Variants in SUMF1 observed in about 807,000 individuals in gnomAD.
SUMF1 encodes formylglycine-generating enzyme.
Under a neutral mutation model 47.6 loss-of-function variants are expected in SUMF1, and 48 were observed. That is an observed-to-expected ratio of 1.01 (90% CI 0.80 to 1.28). The LOEUF is 1.28. Ranked by LOEUF, SUMF1 falls within the 50% of genes most tolerant of loss-of-function variation. The pLI, the probability that SUMF1 is intolerant of heterozygous loss-of-function variation, is 0.00. For missense variants in SUMF1, 571 were observed against 485.4 expected, an observed-to-expected ratio of 1.18 and a Z score of -1.66; for synonymous variants, 230 against 192.1, an observed-to-expected ratio of 1.20 and a Z score of -1.63.
At chr3:4,433,377 G>A (rs539662302) in intron 3 of SUMF1, among the ~76,000 whole-genome samples, 1 of 152,294 alleles carries the variant, frequency 6.6e-6, no homozygotes, top group South Asian at 2.1e-4. Context: ...AATATTGTGT[G>A]CCCTGTTATC....
intron 8 of SUMF1, among the ~76,000 whole-genome samples, chr3:4,170,402 TAAC>T (rs996141782): frequency 2.0e-5 from 3 of 152,210 alleles, no homozygotes; most frequent in African/African-American, 7.2e-5. Context: ...TTTGTATTTC[TAAC>T]AAGTTCCAAT....
chr3:4,296,677 C>T (rs1483334378), intron 8 of SUMF1, among the ~76,000 whole-genome samples: 2 of 152,134 alleles, frequency 1.3e-5, no homozygotes, highest in Non-Finnish European at 2.9e-5. Context: ...ACGACACGTG[C>T]GGATTACAGG....
At chr3:4,085,019 G>T (rs1478653503) in intron 8 of SUMF1, among the ~76,000 whole-genome samples, 1 of 152,022 alleles carries the variant, frequency 6.6e-6, no homozygotes, top group African/African-American at 2.4e-5. Flanking sequence ...AATAGATGAT[G>T]TCTATCTACT....
chr3:4,098,860 CA>C (rs1260653012), intron 8 of SUMF1, among the ~76,000 whole-genome samples: 1 of 152,086 alleles, frequency 6.6e-6, no homozygotes, highest in Non-Finnish European at 1.5e-5. Flanking sequence ...GAGGAAGCCA[CA>C]AAGGAATTTC....
At chr3:4,074,779 A>G (rs976501573) in intron 8 of SUMF1, among the ~76,000 whole-genome samples, 1 of 152,228 alleles carries the variant, frequency 6.6e-6, no homozygotes, top group Admixed American at 6.5e-5. Context: ...CCCACCCAAG[A>G]CTAAACCAGG....
chr3:4,123,885 T>A (rs534384141), intron 8 of SUMF1, among the ~76,000 whole-genome samples: 1 of 152,270 alleles, frequency 6.6e-6, no homozygotes, highest in East Asian at 1.9e-4. Flanking sequence ...GTCACAGACA[T>A]TGATCAGACA....
At chr3:4,255,561 C>G (rs1696930870) in intron 8 of SUMF1, among the ~76,000 whole-genome samples, 1 of 81,444 alleles carries the variant, frequency 1.2e-5, no homozygotes, top group Non-Finnish European at 2.5e-5. Flanking sequence ...ACAAGAAGAG[C>G]TAACTATCCT....
In SUMF1 at chr3:4,275,742, AAGTT is replaced by A. The variant is rs1489999461; in HGVS notation, c.1014+100584_1014+100587del. On this transcript the variant is annotated intron_variant and NMD_transcript_variant, in intron 8 of 12. Coordinates refer to the SUMF1 transcript ENST00000448413. The stretch of plus-strand genomic sequence containing the variant: ...CTCTCGGGAAGAAGACAAAAGCAAA[AAGTT>A]AGTTGAGTAGGTAACCTACAATGTT... 3.3e-5 allele frequency among the ~76,000 whole-genome samples: 5 copies of A among 152,166 alleles called. No individual in the cohort carries two copies. In the South Asian group the frequency reaches 8.3e-4, roughly 25 times the overall value.
At chr3:4,431,730 C>T (rs1455468419) in intron 3 of SUMF1, among the ~76,000 whole-genome samples, 2 of 152,136 alleles carry the variant, frequency 1.3e-5, no homozygotes, top group Non-Finnish European at 2.9e-5. Flanking sequence ...CCAAGCTAGC[C>T]CTGAAGTCAC....
At chr3:4,224,325 C>A (rs1160904973) in intron 8 of SUMF1, among the ~76,000 whole-genome samples, 1 of 152,102 alleles carries the variant, frequency 6.6e-6, no homozygotes, top group East Asian at 1.9e-4. Context: ...CTGGGATGCT[C>A]CGTGACAAGG....
At chr3:4,064,203 A>T (rs950065134) in intron 9 of SUMF1, among the ~76,000 whole-genome samples, 1 of 142,562 alleles carries the variant, frequency 7.0e-6, no homozygotes, top group Non-Finnish European at 1.6e-5. Flanking sequence ...GACCTTGCTG[A>T]TAAAAGAAGA....
intron 8 of SUMF1, among the ~76,000 whole-genome samples, chr3:4,319,860 T>A (rs958597975): frequency 2.6e-5 from 4 of 152,214 alleles, no homozygotes; most frequent in African/African-American, 7.2e-5. Flanking sequence ...AAGTCCTGTA[T>A]GAACCTTAAA....
chr3:4,370,704 A>G (rs775970138), intron 8 of SUMF1, among the ~76,000 whole-genome samples: 6 of 152,334 alleles, frequency 3.9e-5, no homozygotes, highest in Non-Finnish European at 7.3e-5. Context: ...TTCTTGAAAG[A>G]CAAAAATTAA....
chr3:4,367,220 C>G (rs532654261), intron 8 of SUMF1, among the ~76,000 whole-genome samples: 2 of 152,142 alleles, frequency 1.3e-5, no homozygotes, highest in African/African-American at 2.4e-5. Context: ...TCTCCAGCTG[C>G]GTGCTGGGAG....
At chr3:4,243,132 G>A (rs527628078) in intron 8 of SUMF1, among the ~76,000 whole-genome samples, 14 of 152,112 alleles carry the variant, frequency 9.2e-5, no homozygotes, top group South Asian at 2.1e-4. Context: ...TTTTTATTGC[G>A]TCTATTTGAT....
intron 8 of SUMF1, among the ~76,000 whole-genome samples, chr3:4,196,503 T>G (rs1009551026): frequency 2.6e-5 from 4 of 152,134 alleles, no homozygotes; most frequent in African/African-American, 9.7e-5. Context: ...GCCATACTAA[T>G]ATGGATATCT....
intron 8 of SUMF1, among the ~76,000 whole-genome samples, chr3:4,135,141 A>T (rs2125090745): frequency 6.6e-6 from 1 of 152,268 alleles, no homozygotes; most frequent in East Asian, 1.9e-4. Flanking sequence ...CATCATCCTG[A>T]TACCAAAGCC....
chr3:4,259,144 G>A (rs890843542), intron 8 of SUMF1, among the ~76,000 whole-genome samples: 1 of 150,066 alleles, frequency 6.7e-6, no homozygotes, highest in African/African-American at 2.5e-5. Context: ...GGATAGCATT[G>A]GGAGATATAC....
chr3:4,202,994 C>CA (rs1182851102), intron 8 of SUMF1, among the ~76,000 whole-genome samples: 1 of 151,878 alleles, frequency 6.6e-6, no homozygotes, highest in Non-Finnish European at 1.5e-5. Flanking sequence ...TGGGGTCTAA[C>CA]ATATTCTCTA....
Sources: allele counts gnomAD v4.1 joint callset (sites outside exome capture counted in the v4.1 genomes callset), GRCh38; gene constraint gnomAD v4.1.1; transcripts MANE v1.5; gene names NCBI Gene and HGNC (gene_info 2026-07-23, HGNC 2026-07-21).